The following UTRN variants were observed in gnomAD, a reference collection of about 807,000 sequenced individuals.
UTRN encodes dystrophin-related protein 1.
Under a neutral mutation model 463.9 loss-of-function variants are expected in UTRN, and 283 were observed. The observed-to-expected ratio is 0.61, with a 90% CI of 0.55 to 0.67. UTRN has a LOEUF of 0.67. Among genes scored for constraint, UTRN ranks in the 30% least tolerant of loss-of-function variants. The pLI, the probability that UTRN is intolerant of heterozygous loss-of-function variation, is 0.00. For synonymous variants in UTRN, 1,442 were observed against 1,431.5 expected, an observed-to-expected ratio of 1.01 and a Z score of -0.17; for missense variants, 3,922 against 4,084.3, an observed-to-expected ratio of 0.96 and a Z score of 1.08.
intron 53 of UTRN, among the ~76,000 whole-genome samples, chr6:144,702,693 A>T (rs1223515254): frequency 6.6e-6 from 1 of 152,312 alleles, no homozygotes; most frequent in Non-Finnish European, 1.5e-5. Context: ...TGTAGTAAGC[A>T]CTTAGCAACC....
intron 53 of UTRN, among the ~76,000 whole-genome samples, chr6:144,727,751 C>T (rs140650107): frequency 6.6e-6 from 1 of 151,492 alleles, no homozygotes; most frequent in African/African-American, 2.4e-5. Flanking sequence ...GGCAACACAG[C>T]GAGACTCTGT....
intron 51 of UTRN, among the ~76,000 whole-genome samples, chr6:144,660,737 C>CA (rs2128671911): frequency 6.6e-6 from 1 of 152,324 alleles, no homozygotes; most frequent in South Asian, 2.1e-4. Context: ...CCTGGGGACT[C>CA]AGCTGTGGGT....
chr6:144,839,205 C>T lies in UTRN; in HGVS notation c.10098C>T (p.Ser3366=). The change falls in exon 72 of 75, where the codon TCC becomes TCT. Residue 3366 remains serine (S), a synonymous_variant. Transcript: ENST00000367545. Reference sequence around the variant, plus strand: ...CTGATTCCCGAATCAATGGTGTTTCCCCATGGGCTTCTCCTCAGCATTCTG... The same window carrying T: ...CTGATTCCCGAATCAATGGTGTTTCTCCATGGGCTTCTCCTCAGCATTCTG... ...PESDSRINGV[S]PWASPQHSAL... is the part of the protein sequence containing the mutation. 1.2e-6 allele frequency: 2 copies of T among 1,614,012 alleles called. No homozygotes were observed. The highest frequency in any genetic ancestry group is 1.7e-6 in the Non-Finnish European group (2 of 1,179,942).
rs1459547824 is a variant in UTRN at position 144,361,992 on chromosome 6, T to G, written c.80-41131T>G. On this transcript the variant is annotated intron_variant, in intron 2 of 74. Coordinates refer to ENST00000367545, the MANE Select transcript of UTRN (RefSeq NM_007124.3). Reference sequence around the variant, plus strand: ...GCTGCCACTTTCTTACTTAAAAGAATAAAAATCAAAGCCAAATTCATCATA... The same window carrying G: ...GCTGCCACTTTCTTACTTAAAAGAAGAAAAATCAAAGCCAAATTCATCATA... Among the ~76,000 whole-genome samples, 4 of 151,954 alleles carry G rather than the reference T, an allele frequency of 2.6e-5. No individual in the cohort carries two copies. In the East Asian group the frequency reaches 5.8e-4, roughly 22 times the overall value.
At chr6:144,590,037 T>A (rs1477495355) in intron 51 of UTRN, among the ~76,000 whole-genome samples, 1 of 151,884 alleles carries the variant, frequency 6.6e-6, no homozygotes, top group East Asian at 1.9e-4. Flanking sequence ...TTTTGTATTT[T>A]TTTTGTGGAG....
chr6:144,472,185 T>A (rs1790723435), intron 23 of UTRN, among the ~76,000 whole-genome samples: 1 of 152,220 alleles, frequency 6.6e-6, no homozygotes, highest in East Asian at 1.9e-4. Context: ...AGCCAAACTG[T>A]AAGATAAATA....
chr6:144,398,570 G>T, intron 2 of UTRN: 1 of 235,266 alleles, frequency 4.3e-6, no homozygotes, highest in South Asian at 7.0e-5. Context: ...AGGTTATTAT[G>T]AAGAAGCACC....
intron 2 of UTRN, among the ~76,000 whole-genome samples, chr6:144,380,103 G>A (rs1780780207): frequency 6.6e-6 from 1 of 152,154 alleles, no homozygotes; most frequent in Admixed American, 6.5e-5. Flanking sequence ...TTCTAAGTAT[G>A]ATTGTTATTG....
intron 34 of UTRN, among the ~76,000 whole-genome samples, chr6:144,503,281 T>C (rs892457226): frequency 4.6e-5 from 7 of 152,224 alleles, no homozygotes; most frequent in African/African-American, 7.2e-5. Flanking sequence ...ATTTTGGCTT[T>C]TGTTGCCGTT....
Position 144,491,075 on chromosome 6 carries a change from C to T in UTRN, c.4410C>T (p.Val1470=). The change falls in exon 32 of 75, where the codon GTC becomes GTT. Residue 1470 remains valine (V), a synonymous_variant. Coordinates refer to ENST00000367545, the MANE Select transcript of UTRN (RefSeq NM_007124.3). The part of the protein sequence containing the change: ...VLDVKDVDPD[V]IQTHLDKCMK... ...ATGTGAAGGACGTAGACCCTGACGT[C>T]ATACAGACGCACCTGGACAAGTGTA... 1 of 1,611,184 alleles carries T rather than the reference C, an allele frequency of 6.2e-7. No individual in the cohort carries two copies.
At chr6:144,298,242 A>G (rs889819849) in intron 2 of UTRN, among the ~76,000 whole-genome samples, 4 of 152,192 alleles carry the variant, frequency 2.6e-5, no homozygotes, top group East Asian at 3.8e-4. Flanking sequence ...AGGCAGTATG[A>G]GTTCTTAATG....
intron 50 of UTRN, among the ~76,000 whole-genome samples, chr6:144,569,421 A>G (rs764423908): frequency 3.3e-5 from 5 of 152,110 alleles, no homozygotes; most frequent in Admixed American, 6.6e-5. Context: ...TAAATTTCAC[A>G]TTTGCATGCA....
chr6:144,489,657 T>C (rs1792849690), intron 30 of UTRN, among the ~76,000 whole-genome samples: 1 of 152,142 alleles, frequency 6.6e-6, no homozygotes, highest in Non-Finnish European at 1.5e-5. Flanking sequence ...ATTCTCACTC[T>C]GTTGCCCAGG....
intron 46 of UTRN, among the ~76,000 whole-genome samples, chr6:144,545,186 C>A (rs1253582902): frequency 6.6e-6 from 1 of 152,184 alleles, no homozygotes; most frequent in Non-Finnish European, 1.5e-5. Flanking sequence ...GTCTTGAACA[C>A]CCTTATCTTT....
intron 53 of UTRN, among the ~76,000 whole-genome samples, chr6:144,708,659 C>T (rs761220851): frequency 1.3e-5 from 2 of 152,178 alleles, no homozygotes; most frequent in South Asian, 2.1e-4. Context: ...CTGTGAACTG[C>T]GCATTGTTAT....
intron 2 of UTRN, among the ~76,000 whole-genome samples, chr6:144,352,663 A>T (rs919811987): frequency 1.3e-5 from 2 of 152,158 alleles, no homozygotes; most frequent in African/African-American, 4.8e-5. Context: ...CATTCTGTAT[A>T]TTTGCTGAAT....
Position 144,429,601 on chromosome 6 carries a change from G to T in UTRN, c.715G>T (p.Asp239Tyr). Residue 239 changes from aspartate to tyrosine, a missense_variant, in exon 9 of 75, where the codon GAC (aspartate) becomes TAC (tyrosine). Around this residue, in one of 3 missense-constraint regions of UTRN, gnomAD observed 264 missense variants for 327.9 expected, o/e 0.81. Transcript: ENST00000367545. The stretch of plus-strand genomic sequence containing the variant: ...TTTAGATGTTGCCGTTCAGCTTCCT[G>T]ACAAGAAATCCATAATTATGTATTT... ...DPEDVAVQLP[D>Y]KKSIIMYLTS... 1 of 1,603,110 alleles carries T rather than the reference G, an allele frequency of 6.2e-7. No homozygotes were observed. The highest frequency in any genetic ancestry group is 8.5e-7 in the Non-Finnish European group (1 of 1,174,958).
chr6:144,603,485 G>T (rs914861776), intron 51 of UTRN, among the ~76,000 whole-genome samples: 21 of 152,202 alleles, frequency 1.4e-4, no homozygotes, highest in African/African-American at 4.8e-4. Context: ...TTACTTGTAA[G>T]AATTTTTTGT....
At chr6:144,541,721 G>A (rs1282843120) in intron 45 of UTRN, among the ~76,000 whole-genome samples, 1 of 152,188 alleles carries the variant, frequency 6.6e-6, no homozygotes, top group African/African-American at 2.4e-5. Flanking sequence ...GATGAGACCA[G>A]CAGACAACCA....
Sources: allele counts gnomAD v4.1 joint callset (sites outside exome capture counted in the v4.1 genomes callset), GRCh38; gene constraint gnomAD v4.1.1; regional missense constraint gnomAD v4.1.1; transcripts MANE v1.5; gene names NCBI Gene and HGNC (gene_info 2026-07-23, HGNC 2026-07-21).